The following NIPBL variants were observed in gnomAD, a reference collection of about 807,000 sequenced individuals.
NIPBL encodes NIPBL cohesin loading factor, also known as nipped-B-like protein.
Under a neutral mutation model 321.8 loss-of-function variants are expected in NIPBL, and 19 were observed. The ratio of observed to expected loss-of-function variants is 0.06; its 90% CI spans 0.04 to 0.09. The LOEUF (loss-of-function observed/expected upper bound fraction) is 0.09, where lower values mean the gene tolerates loss of function less well. NIPBL is among the 10% of genes least tolerant of loss of function. NIPBL has a pLI of 1.00. For synonymous variants in NIPBL, 1,106 were observed against 1,114.1 expected, an observed-to-expected ratio of 0.99 and a Z score of 0.14; for missense variants, 2,210 against 3,327.0, an observed-to-expected ratio of 0.66 and a Z score of 8.26.
At chr5:37,013,063 C>G (rs1411986704) in intron 21 of NIPBL, among the ~76,000 whole-genome samples, 2 of 151,556 alleles carry the variant, frequency 1.3e-5, no homozygotes, top group Admixed American at 1.3e-4. Flanking sequence ...CACCTCCCTC[C>G]TGGACGGGGC....
At chr5:36,885,269 C>A in intron 1 of NIPBL, 1 of 515,462 alleles carries the variant, frequency 1.9e-6, no homozygotes, top group South Asian at 1.5e-5. Context: ...TGTCCAGCCA[C>A]CCAGCTATGG....
At chr5:36,994,383 T>TA (rs1580421220) in intron 10 of NIPBL, among the ~76,000 whole-genome samples, 1 of 151,916 alleles carries the variant, frequency 6.6e-6, no homozygotes, top group East Asian at 1.9e-4. Flanking sequence ...TTCAGAAGAA[T>TA]AAAAAAAGGG....
intron 1 of NIPBL, among the ~76,000 whole-genome samples, chr5:36,905,946 G>C (rs929608755): frequency 6.6e-6 from 1 of 151,906 alleles, no homozygotes; most frequent in Non-Finnish European, 1.5e-5. Flanking sequence ...GGGTTTCACC[G>C]TGTTAGCCAG....
chr5:36,886,838 T>C (rs926971445), intron 1 of NIPBL, among the ~76,000 whole-genome samples: 3 of 151,938 alleles, frequency 2.0e-5, no homozygotes, highest in African/African-American at 4.8e-5. Context: ...TTTTTCCTTT[T>C]CTAGAACATA....
At chr5:36,993,543 A>G (rs997199162) in intron 10 of NIPBL, among the ~76,000 whole-genome samples, 1 of 152,142 alleles carries the variant, frequency 6.6e-6, no homozygotes, top group African/African-American at 2.4e-5. Context: ...GAACTAGTAC[A>G]TATTTTAACC....
At chr5:36,926,943 C>T (rs1408294637) in intron 1 of NIPBL, among the ~76,000 whole-genome samples, 1 of 152,100 alleles carries the variant, frequency 6.6e-6, no homozygotes, top group Non-Finnish European at 1.5e-5. Context: ...TTATTAGAAT[C>T]AGAGCACCTA....
intron 1 of NIPBL, among the ~76,000 whole-genome samples, chr5:36,946,142 T>C (rs1406915963): frequency 1.3e-5 from 2 of 152,090 alleles, no homozygotes; most frequent in African/African-American, 4.8e-5. Context: ...AACCTTTTCA[T>C]TCTCCCCCCA....
chr5:36,982,628 A>C (rs1374387258), intron 9 of NIPBL, among the ~76,000 whole-genome samples: 1 of 151,874 alleles, frequency 6.6e-6, no homozygotes, highest in Non-Finnish European at 1.5e-5. Flanking sequence ...TAGGATTCAT[A>C]GTTTAAATAA....
At chr5:36,921,083 C>G (rs1246880043) in intron 1 of NIPBL, among the ~76,000 whole-genome samples, 2 of 151,864 alleles carry the variant, frequency 1.3e-5, no homozygotes, top group African/African-American at 2.4e-5. Context: ...CTCTAGTTTT[C>G]TTAGCTAATT....
At chr5:36,899,091 T>C (rs911027825) in intron 1 of NIPBL, among the ~76,000 whole-genome samples, 1 of 152,226 alleles carries the variant, frequency 6.6e-6, no homozygotes, top group Non-Finnish European at 1.5e-5. Flanking sequence ...TTCCCAATTG[T>C]GATTTCCAAA....
chr5:37,043,145 C>T (rs1342463818), intron 34 of NIPBL, among the ~76,000 whole-genome samples: 5 of 152,082 alleles, frequency 3.3e-5, no homozygotes, highest in African/African-American at 4.8e-5. Context: ...CCTGTAATCC[C>T]AGTACTTTGG....
chr5:36,958,293 T>G (rs911504044), intron 4 of NIPBL, 62 bp downstream of exon 4: 1 of 1,562,804 alleles, frequency 6.4e-7, no homozygotes, highest in Non-Finnish European at 8.8e-7. Context: ...TAAATCCAGG[T>G]GTCTTCTTTA....
rs767565592 is a variant in NIPBL, at chr5:36,985,789, A to G, written c.2609A>G (p.His870Arg). The G allele has an allele frequency of 1.2e-6, 2 of 1,613,980 alleles. No individual in the cohort carries two copies. Among genetic ancestry groups the G allele is most frequent in the South Asian group, 1.1e-5 (1 of 91,080 alleles). Residue 870 changes from histidine to arginine, a missense_variant, in exon 10 of 47, where the codon CAC (histidine) becomes CGC (arginine). Transcript: ENST00000282516. ...SSKTDKLERK[H>R]RHESGDSRER... ...AAAACTGATAAACTAGAACGAAAAC[A>G]CAGGCATGAATCAGGGGACTCAAGG...
At chr5:37,049,851 C>T (rs917024283) in intron 40 of NIPBL, among the ~76,000 whole-genome samples, 2 of 152,166 alleles carry the variant, frequency 1.3e-5, no homozygotes, top group Non-Finnish European at 2.9e-5. Flanking sequence ...ATCTGATGGT[C>T]AAGAGAGCAC....
chr5:36,878,038 C>T (rs1403208117), intron 1 of NIPBL, among the ~76,000 whole-genome samples: 2 of 152,226 alleles, frequency 1.3e-5, no homozygotes, highest in Non-Finnish European at 2.9e-5. Flanking sequence ...GTAAAACACT[C>T]AGGTACTTCC....
rs1011912553 is a variant in NIPBL at position 36,996,115 on chromosome 5, A to G, written c.3304+311A>G. 6.6e-6 allele frequency among the ~76,000 whole-genome samples: 1 copy of G among 152,206 alleles called. No individual in the cohort carries two copies. Among genetic ancestry groups the G allele is most frequent in the Non-Finnish European group, 1.5e-5 (1 of 68,030 alleles). On this transcript the variant is annotated intron_variant, in intron 11 of 46. Transcript: ENST00000282516. The surrounding 1 kb of genome is among the most constrained non-coding windows in gnomAD (Gnocchi z 5.0). Reference sequence around the variant, plus strand: ...CTGAGAGTAAAAATGCAAATAAGATATGGCCCCTGTCTTCAAAGAGCCTTC... The same window carrying G: ...CTGAGAGTAAAAATGCAAATAAGATGTGGCCCCTGTCTTCAAAGAGCCTTC...
At chr5:36,981,645 T>C (rs1744155005) in intron 9 of NIPBL, among the ~76,000 whole-genome samples, 1 of 151,752 alleles carries the variant, frequency 6.6e-6, no homozygotes, top group Non-Finnish European at 1.5e-5. Context: ...TAGATATTAA[T>C]ACCTTTTTCA....
At chr5:36,916,412 T>G (rs1748462289) in intron 1 of NIPBL, among the ~76,000 whole-genome samples, 1 of 152,254 alleles carries the variant, frequency 6.6e-6, no homozygotes, top group African/African-American at 2.4e-5. Flanking sequence ...CATGTCAGGT[T>G]GTTTAGTATC....
chr5:36,993,342 G>C lies in NIPBL; in HGVS notation c.3122-2280G>C, dbSNP rs562971766. On this transcript the variant is annotated intron_variant, in intron 10 of 46. Coordinates refer to ENST00000282516, the MANE Select transcript of NIPBL (RefSeq NM_133433.4). ...AAAATGATCTAGAGGATACTAGAGA[G>C]GTCTTAATTGATAGTATTCTTGTTA... is the stretch of plus-strand genomic sequence containing the variant. 5.9e-5 allele frequency among the ~76,000 whole-genome samples: 9 copies of C among 152,244 alleles called. No homozygotes were observed. The East Asian group carries it at 1.7e-3, about 29-fold the overall frequency.
Sources: allele counts gnomAD v4.1 joint callset (sites outside exome capture counted in the v4.1 genomes callset), GRCh38; gene constraint gnomAD v4.1.1; non-coding constraint Gnocchi (gnomAD v3.1); transcripts MANE v1.5; gene names NCBI Gene and HGNC (gene_info 2026-07-23, HGNC 2026-07-21).